RPS6KA2: variants seen among roughly 807,000 people sequenced by gnomAD.
RPS6KA2 encodes ribosomal protein S6 kinase alpha-2.
In RPS6KA2, 42 loss-of-function variants were observed where a neutral mutation model predicts 91.8. That is an observed-to-expected ratio of 0.46 (90% CI 0.36 to 0.59). The LOEUF is 0.59. Among genes scored for constraint, RPS6KA2 ranks in the 20% least tolerant of loss-of-function variants. The pLI is 0.00. For synonymous variants in RPS6KA2, 414 were observed against 393.6 expected, an observed-to-expected ratio of 1.05 and a Z score of -0.61; for missense variants, 798 against 978.5, an observed-to-expected ratio of 0.82 and a Z score of 2.46.
At chr6:166,815,824 G>A (rs1372354260) in intron 2 of RPS6KA2, among the ~76,000 whole-genome samples, 3 of 152,192 alleles carry the variant, frequency 2.0e-5, no homozygotes, top group African/African-American at 7.2e-5. Context: ...CAGTACCGCG[G>A]ACAGAGGTTT....
intron 2 of RPS6KA2, among the ~76,000 whole-genome samples, chr6:166,663,902 G>C (rs76971508): frequency 0.018 from 2,737 of 152,344 alleles, 69 homozygotes; most frequent in African/African-American, 0.063. Flanking sequence ...CTGAGTTTAA[G>C]TTCAAAATTG....
intron 2 of RPS6KA2, among the ~76,000 whole-genome samples, chr6:166,647,980 TCACA>T (rs869162164): frequency 1.6e-3 from 99 of 62,516 alleles, no homozygotes; most frequent in African/African-American, 7.2e-3. Context: ...ACACACATGC[TCACA>T]CACACGCACA....
Position 166,499,895 on chromosome 6 carries a change from T to C in RPS6KA2, c.604+992A>G, listed in dbSNP as rs200821408. ...TACAGGGACTTTCAGAACAGACTAA[T>C]ACAGGGACTTTCAGAACAGACTAAC... On this transcript the variant is annotated intron_variant, in intron 7 of 20. Coordinates refer to ENST00000265678, the MANE Select transcript of RPS6KA2 (RefSeq NM_021135.6). Among the ~76,000 whole-genome samples, 15 of 130,278 alleles carry C rather than the reference T, an allele frequency of 1.2e-4. No individual in the cohort carries two copies. The South Asian group carries it at 1.5e-3, about 13-fold the overall frequency. 85.5% of individuals were successfully genotyped at this position (130,278 alleles called of 152,430 possible). A position where few individuals can be genotyped will look rare whatever the true frequency, so the allele number is the denominator to read the frequency against.
At chr6:166,484,936 C>G (rs1467519114) in intron 10 of RPS6KA2, among the ~76,000 whole-genome samples, 2 of 152,254 alleles carry the variant, frequency 1.3e-5, no homozygotes, top group Non-Finnish European at 2.9e-5. Context: ...GAATTCAAGT[C>G]AGATAATGAC....
chr6:166,443,953 T>G (rs2128452001), intron 14 of RPS6KA2, among the ~76,000 whole-genome samples: 1 of 152,244 alleles, frequency 6.6e-6, no homozygotes, highest in African/African-American at 2.4e-5. Context: ...CTGAAAAAAA[T>G]CTGCATACGT....
At chr6:166,583,492 T>G (rs930487584) in intron 1 of RPS6KA2, among the ~76,000 whole-genome samples, 1 of 152,236 alleles carries the variant, frequency 6.6e-6, no homozygotes, top group Non-Finnish European at 1.5e-5. Flanking sequence ...CCTGCGCACC[T>G]TCTCTGAGCT....
intron 2 of RPS6KA2, among the ~76,000 whole-genome samples, chr6:166,786,084 G>A (rs6913892): frequency 0.17 from 25,267 of 152,058 alleles, 2,252 homozygotes; most frequent in African/African-American, 0.21. Context: ...CTTGTTATTT[G>A]AGAAAATTGA....
chr6:166,794,069 C>T (rs1403916854), intron 2 of RPS6KA2, among the ~76,000 whole-genome samples: 3 of 140,310 alleles, frequency 2.1e-5, no homozygotes, highest in African/African-American at 7.5e-5. Context: ...GAACAAGCAA[C>T]CTACAAAATG....
At chr6:166,738,977 C>T (rs963896589) in intron 2 of RPS6KA2, among the ~76,000 whole-genome samples, 5 of 152,152 alleles carry the variant, frequency 3.3e-5, no homozygotes, top group Admixed American at 1.3e-4. Flanking sequence ...CTGAAAACAC[C>T]TATAGGTTTC....
chr6:166,464,620 T>C (rs1177760246), intron 11 of RPS6KA2, among the ~76,000 whole-genome samples: 3 of 152,214 alleles, frequency 2.0e-5, no homozygotes, highest in African/African-American at 7.2e-5. Flanking sequence ...TCAGACTGGC[T>C]TGTGCTGTCT....
chr6:166,550,050 C>T (rs556328836), intron 1 of RPS6KA2, among the ~76,000 whole-genome samples: 52 of 152,180 alleles, frequency 3.4e-4, no homozygotes, highest in Admixed American at 2.7e-3. Context: ...GAAAAATAAA[C>T]GTCATGTATA....
In RPS6KA2 at chr6:166,726,916, C is replaced by T. The variant is rs866858888; in HGVS notation, c.123+131284G>A. Among the ~76,000 whole-genome samples, 4 of 152,158 alleles carry T rather than the reference C, an allele frequency of 2.6e-5. No homozygotes were observed. Among genetic ancestry groups the T allele is most frequent in the African/African-American group, 9.7e-5 (4 of 41,428 alleles). On this transcript the variant is annotated intron_variant, in intron 2 of 21. Coordinates refer to the RPS6KA2 transcript ENST00000503859. The surrounding 1 kb of genome is among the most constrained non-coding windows in gnomAD (Gnocchi z 4.4). Reference sequence around the variant, plus strand: ...GTCCTGGGTGCTGTCTCCTCCACCACGTAAGCCAAACCTGATTTCCGTGAA... The same window carrying T: ...GTCCTGGGTGCTGTCTCCTCCACCATGTAAGCCAAACCTGATTTCCGTGAA...
At chr6:166,517,196 CAAAA>C (rs952359718) in intron 3 of RPS6KA2, among the ~76,000 whole-genome samples, 3 of 151,686 alleles carry the variant, frequency 2.0e-5, no homozygotes, top group African/African-American at 7.3e-5. Context: ...CAAAACAAAA[CAAAA>C]AAACACAAAG....
At chr6:166,756,667 G>A (rs545136463) in intron 2 of RPS6KA2, among the ~76,000 whole-genome samples, 8 of 152,190 alleles carry the variant, frequency 5.3e-5, no homozygotes, top group Admixed American at 3.9e-4. Context: ...GACCAACATG[G>A]AGAAACCCCA....
chr6:166,669,040 G>C (rs1788398204), intron 2 of RPS6KA2, among the ~76,000 whole-genome samples: 2 of 151,842 alleles, frequency 1.3e-5, no homozygotes, highest in South Asian at 4.1e-4. Context: ...ACAGGTGTGT[G>C]CCTCACCATA....
chr6:166,551,422 T>C (rs1043293355), intron 1 of RPS6KA2, among the ~76,000 whole-genome samples: 1 of 152,242 alleles, frequency 6.6e-6, no homozygotes, highest in Non-Finnish European at 1.5e-5. Context: ...ATGTGGCATG[T>C]GGCAGCCCCT....
chr6:166,566,508 C>G (rs1276733609), intron 1 of RPS6KA2, among the ~76,000 whole-genome samples: 1 of 152,248 alleles, frequency 6.6e-6, no homozygotes, highest in African/African-American at 2.4e-5. Flanking sequence ...TCTGAAGCAC[C>G]AGGCTCAGGC....
intron 2 of RPS6KA2, among the ~76,000 whole-genome samples, chr6:166,532,139 G>A (rs1484417649): frequency 1.3e-5 from 2 of 152,222 alleles, no homozygotes; most frequent in Non-Finnish European, 2.9e-5. Context: ...GAGGTAGGGT[G>A]GCTCCTTCCC....
intron 19 of RPS6KA2, among the ~76,000 whole-genome samples, chr6:166,415,949 A>G (rs931004589): frequency 7.8e-6 from 1 of 128,100 alleles, no homozygotes; most frequent in Non-Finnish European, 1.6e-5. Context: ...CCTCACCACA[A>G]TCACCTTCAC....
Sources: gnomAD v4.1 joint callset for allele counts (sites outside exome capture counted in the v4.1 genomes callset) on GRCh38, gnomAD v4.1.1 for gene constraint, Gnocchi (gnomAD v3.1) non-coding constraint, MANE v1.5 for transcripts, NCBI Gene and HGNC (gene_info 2026-07-23, HGNC 2026-07-21) for gene names.